The following IGF1R variants were observed in gnomAD, a reference collection of about 807,000 sequenced individuals.
IGF1R encodes the protein insulin-like growth factor 1 receptor.
In IGF1R, 44 loss-of-function variants were observed where a neutral mutation model predicts 144.6. The ratio of observed to expected loss-of-function variants is 0.30; its 90% CI spans 0.24 to 0.39. The LOEUF is 0.39. IGF1R is among the 10% of genes least tolerant of loss of function. The probability of loss-of-function intolerance (pLI) is 1.00; values close to 1 mark genes in which losing one functional copy is unlikely to be tolerated. For missense variants in IGF1R, 1,355 were observed against 1,833.7 expected (o/e 0.74, Z 4.77); for synonymous variants, 795 against 722.8 (o/e 1.10, Z -1.60).
Position 98,922,137 on chromosome 15 carries a change from C to G in IGF1R, c.2202-11C>G. 6.2e-7 allele frequency: 1 copy of G among 1,614,074 alleles called. No homozygotes were observed. Among genetic ancestry groups the G allele is most frequent in the South Asian group, 1.1e-5 (1 of 91,072 alleles). The stretch of plus-strand genomic sequence containing the variant: ...AAGTACTTAAAAGCCACATTTCTCT[C>G]CTCCTTGCAGACCTGAAAGGAAGCG... On this transcript the variant is annotated splice_polypyrimidine_tract_variant and intron_variant, in intron 10 of 20. Transcript: ENST00000650285.
chr15:98,738,382 C>G (rs968233941), intron 2 of IGF1R, among the ~76,000 whole-genome samples: 2 of 152,146 alleles, frequency 1.3e-5, no homozygotes, highest in African/African-American at 2.4e-5. Context: ...TTAAAGTGAT[C>G]AGTGGGACCT....
chr15:98,957,488 C>CAGCGG lies in IGF1R; in HGVS notation c.*47_*51dup. ...GCAAACAGTAACGTGTGCGCACGCG[C>CAGCGG]AGCGGGGTGGGGGGGGAGAGAGAGT... On this transcript the variant is annotated 3_prime_UTR_variant, in exon 21 of 21. Coordinates refer to ENST00000650285, the MANE Select transcript of IGF1R (RefSeq NM_000875.5). The CAGCGG allele has an allele frequency of 6.2e-7, 1 of 1,610,228 alleles. No homozygotes were observed. The highest frequency in any genetic ancestry group is 8.5e-7 in the Non-Finnish European group (1 of 1,178,876).
intron 2 of IGF1R, among the ~76,000 whole-genome samples, chr15:98,738,804 G>T (rs527595638): frequency 7.2e-5 from 11 of 152,148 alleles, no homozygotes; most frequent in Non-Finnish European, 1.5e-4. Flanking sequence ...GTACTCACTG[G>T]ATTCTTCCCG....
At chr15:98,941,413 T>A in intron 18 of IGF1R, among the ~76,000 whole-genome samples, 1 of 152,254 alleles carries the variant, frequency 6.6e-6, no homozygotes, top group East Asian at 1.9e-4. Context: ...GGATCATGTT[T>A]GCTGTTCAAC....
intron 2 of IGF1R, among the ~76,000 whole-genome samples, chr15:98,737,081 T>G (rs990006344): frequency 6.6e-6 from 1 of 151,988 alleles, no homozygotes; most frequent in Non-Finnish European, 1.5e-5. Context: ...TTTTGGGGAG[T>G]TGAGTGTTTT....
chr15:98,880,863 A>C (rs1009096812), intron 2 of IGF1R: 1 of 152,226 alleles, frequency 6.6e-6, no homozygotes, highest in Admixed American at 6.5e-5. Context: ...CTGTAGGGCA[A>C]ATATAACCAT....
At chr15:98,834,810 G>A (rs978327943) in intron 2 of IGF1R, among the ~76,000 whole-genome samples, 1 of 152,110 alleles carries the variant, frequency 6.6e-6, no homozygotes, top group Non-Finnish European at 1.5e-5. Flanking sequence ...CCTTATAAAC[G>A]AGCAGGAGTA....
chr15:98,905,587 C>T (rs2014693096), intron 5 of IGF1R, among the ~76,000 whole-genome samples: 1 of 151,628 alleles, frequency 6.6e-6, no homozygotes. Flanking sequence ...TAGCTTGAGC[C>T]TGGGAAGTTG....
At chr15:98,771,284 G>A (rs2055577571) in intron 2 of IGF1R, among the ~76,000 whole-genome samples, 1 of 152,042 alleles carries the variant, frequency 6.6e-6, no homozygotes, top group African/African-American at 2.4e-5. Flanking sequence ...TTAGTTCTTT[G>A]GAGAACACAA....
At chr15:98,832,249 TAAAACACTAGCGGTTAAACAG>T (rs2057015562) in intron 2 of IGF1R, among the ~76,000 whole-genome samples, 1 of 152,158 alleles carries the variant, frequency 6.6e-6, no homozygotes, top group African/African-American at 2.4e-5. Flanking sequence ...AATTATGTCT[TAAAACACTAGCGGTTAAACAG>T]TTAAGAGGTG....
chr15:98,890,387 T>A (rs185684379), intron 2 of IGF1R: 167 of 152,336 alleles, frequency 1.1e-3, no homozygotes, highest in African/African-American at 3.9e-3. Flanking sequence ...TCGTCCTCAC[T>A]GCTGCACTCC....
intron 2 of IGF1R, 79 bp downstream of exon 2, chr15:98,708,186 G>A (rs2141260395): frequency 8.0e-7 from 1 of 1,249,748 alleles, no homozygotes; most frequent in Non-Finnish European, 1.2e-6. Flanking sequence ...TCTCTTCTGA[G>A]TGCACGAGTT....
At chr15:98,861,195 T>A (rs1241120409) in intron 2 of IGF1R, among the ~76,000 whole-genome samples, 2 of 152,194 alleles carry the variant, frequency 1.3e-5, no homozygotes, top group African/African-American at 4.8e-5. Flanking sequence ...ATGAATGCAC[T>A]TTCCCCTTGA....
chr15:98,931,659 T>TAA (rs1567207043), intron 15 of IGF1R, among the ~76,000 whole-genome samples: 1 of 151,032 alleles, frequency 6.6e-6, no homozygotes, highest in Non-Finnish European at 1.5e-5. Flanking sequence ...ACACCACACT[T>TAA]ACAAGAGTTG....
chr15:98,867,981 G>A (rs183848199), intron 2 of IGF1R, among the ~76,000 whole-genome samples: 231 of 152,254 alleles, frequency 1.5e-3, no homozygotes, highest in Non-Finnish European at 2.5e-3. Context: ...CGGGCAGATC[G>A]CTTGAGGTCG....
chr15:98,718,424 C>G (rs139200057), intron 2 of IGF1R, among the ~76,000 whole-genome samples: 1 of 152,292 alleles, frequency 6.6e-6, no homozygotes, highest in African/African-American at 2.4e-5. Context: ...AATGAAGGGA[C>G]CTGGATGAAG....
chr15:98,914,303 A>C (rs1019405634), intron 8 of IGF1R, among the ~76,000 whole-genome samples: 1 of 152,264 alleles, frequency 6.6e-6, no homozygotes, highest in African/African-American at 2.4e-5. Context: ...TATAGCACTG[A>C]TAAACATTCT....
rs2141259547 is a variant in IGF1R, at chr15:98,707,884, G to A, written c.417G>A (p.Gly139=). ...GLYNLRNITR[G]AIRIEKNADL... is the part of the protein sequence containing the mutation. Reference sequence around the variant, plus strand: ...ACAACCTGAGGAACATTACTCGGGGGGCCATCAGGATTGAGAAAAATGCTG... The same window carrying A: ...ACAACCTGAGGAACATTACTCGGGGAGCCATCAGGATTGAGAAAAATGCTG... Residue 139 remains glycine, a synonymous_variant, in exon 2 of 21, where the codon GGG becomes GGA. Transcript: ENST00000650285. This position sits in a 1 kb window ranked among gnomAD's most constrained non-coding sequence, Gnocchi z 6.7. 6.2e-7 allele frequency: 1 copy of A among 1,614,104 alleles called. No individual in the cohort carries two copies. Among genetic ancestry groups the A allele is most frequent in the Non-Finnish European group, 8.5e-7 (1 of 1,179,998 alleles).
rs953784550 is a variant in IGF1R, at chr15:98,704,409, C to T, written c.95-3153C>T. ...AAGCACTGTGGGCGGCAGGGTATCA[C>T]AGAGGAGGAGCTCGGTGTGTTGGAG... On this transcript the variant is annotated intron_variant, in intron 1 of 20. Coordinates refer to ENST00000650285, the MANE Select transcript of IGF1R (RefSeq NM_000875.5). This position sits in a 1 kb window ranked among gnomAD's most constrained non-coding sequence, Gnocchi z 4.9. Among the ~76,000 whole-genome samples the T allele has an allele frequency of 3.9e-5, 6 of 152,044 alleles. No individual in the cohort carries two copies. Among genetic ancestry groups the T allele is most frequent in the African/African-American group, 1.5e-4 (6 of 41,374 alleles).
Sources: allele counts gnomAD v4.1 joint callset (sites outside exome capture counted in the v4.1 genomes callset), GRCh38; gene constraint gnomAD v4.1.1; non-coding constraint Gnocchi (gnomAD v3.1); transcripts MANE v1.5; gene names NCBI Gene and HGNC (gene_info 2026-07-23, HGNC 2026-07-21).